The following STARD13 variants were observed in gnomAD, a reference collection of about 807,000 sequenced individuals.
The protein encoded by STARD13 is StAR related lipid transfer domain containing 13.
A neutral mutation model predicts 106.4 loss-of-function variants in STARD13; 62 were observed. That is an observed-to-expected ratio of 0.58 (90% confidence interval 0.48 to 0.72). The LOEUF is 0.72. STARD13 is among the 30% of genes least tolerant of loss of function. The pLI, the probability that STARD13 is intolerant of heterozygous loss-of-function variation, is 0.00. For synonymous variants in STARD13, 565 were observed against 553.0 expected (o/e 1.02, Z -0.31); for missense variants, 1,387 against 1,424.0 (o/e 0.97, Z 0.42).
chr13:33,331,011 A>G (rs2077829747), intron 1 of STARD13, among the ~76,000 whole-genome samples: 1 of 152,218 alleles, frequency 6.6e-6, no homozygotes, highest in Non-Finnish European at 1.5e-5. Flanking sequence ...TGCTCATGAG[A>G]GAGAAAAGAA....
chr13:33,177,806 AAGGAAGG>A lies in STARD13; in HGVS notation c.170-10191_170-10185del, dbSNP rs1566052087. The stretch of plus-strand genomic sequence containing the variant: ...AAGGAAGGAAGGAAGGAAGGAAAGG[AAGGAAGG>A]AAGGAAGGAAGGAAGGAAGGAAGGA... On this transcript the variant is annotated intron_variant, in intron 1 of 13. Coordinates refer to ENST00000336934, the MANE Select transcript of STARD13 (RefSeq NM_178006.4). Among the ~76,000 whole-genome samples, 2 of 13,936 alleles carry A rather than the reference AAGGAAGG, an allele frequency of 1.4e-4. 1 individual carries two copies. The highest frequency in any genetic ancestry group is 2.8e-4 in the Non-Finnish European group (2 of 7,256). 9.1% of individuals were successfully genotyped at this position (13,936 alleles called of 152,430 possible).
At chr13:33,509,971 C>A in the STARD13 span, among the ~76,000 whole-genome samples, 2 of 152,202 alleles carry the variant, frequency 1.3e-5, no homozygotes, top group Non-Finnish European at 2.9e-5. Flanking sequence ...GATTCCTGAA[C>A]AAAGAACTCC....
rs141677768 is a variant in STARD13 at position 33,152,334 on chromosome 13, AT to A, written c.324-9962del. ...GGCTCCTCCTTCACATGTTTTTTTC[AT>A]TTTTTTTCTTCTTCTCTTCTCAAAA... On this transcript the variant is annotated intron_variant, in intron 3 of 13. Coordinates refer to ENST00000336934, the MANE Select transcript of STARD13 (RefSeq NM_178006.4). 7.5e-3 allele frequency among the ~76,000 whole-genome samples: 1,100 copies of A among 145,852 alleles called. 16 individuals carry two copies. Among genetic ancestry groups the A allele is most frequent in the African/African-American group, 0.027 (1,038 of 39,122 alleles).
chr13:33,663,789 C>T, the STARD13 span, among the ~76,000 whole-genome samples: 1 of 152,130 alleles, frequency 6.6e-6, no homozygotes, highest in African/African-American at 2.4e-5. Context: ...TCTCTCAGAT[C>T]GGGTTAGGAC....
the STARD13 span, among the ~76,000 whole-genome samples, chr13:33,551,381 C>T: frequency 6.6e-6 from 1 of 152,036 alleles, no homozygotes; most frequent in Admixed American, 6.6e-5. Context: ...TTCGTGTCAG[C>T]ACTCAAAAAG....
chr13:33,395,200 A>G, the STARD13 span, among the ~76,000 whole-genome samples: 5 of 152,320 alleles, frequency 3.3e-5, no homozygotes, highest in East Asian at 9.6e-4. Flanking sequence ...ATAATACCTT[A>G]TAGTTCAAAG....
At chr13:33,345,249 T>C (rs558331797), downstream of STARD13, among the ~76,000 whole-genome samples, 1 of 152,162 alleles carries the variant, frequency 6.6e-6, no homozygotes, top group African/African-American at 2.4e-5. Flanking sequence ...CACTAAAGAG[T>C]GCAATGGGAT....
chr13:33,414,047 A>AAAAAAAAG, the STARD13 span, among the ~76,000 whole-genome samples: 7,822 of 142,608 alleles, frequency 0.055, 717 homozygotes, highest in African/African-American at 0.18. Context: ...AAAAAAAAAA[A>AAAAAAAAG]AAAGAAAAGA....
At chr13:33,286,171 C>A (rs889358405), upstream of STARD13, among the ~76,000 whole-genome samples, 6 of 150,950 alleles carry the variant, frequency 4.0e-5, no homozygotes, top group South Asian at 2.1e-4. Flanking sequence ...CACAACACAA[C>A]AAAAAAAAAC....
chr13:33,591,011 C>T, the STARD13 span, among the ~76,000 whole-genome samples: 3 of 152,202 alleles, frequency 2.0e-5, no homozygotes, highest in South Asian at 2.1e-4. Flanking sequence ...TAAAATTTAA[C>T]ATATGCAACT....
chr13:33,353,304 G>A (rs2078097074), upstream of STARD13, among the ~76,000 whole-genome samples: 1 of 152,202 alleles, frequency 6.6e-6, no homozygotes, highest in African/African-American at 2.4e-5. Flanking sequence ...ACGTGATCTT[G>A]CCAAGGTCAC....
At chr13:33,317,366 C>G (rs1014061288) in intron 1 of STARD13, among the ~76,000 whole-genome samples, 8 of 152,186 alleles carry the variant, frequency 5.3e-5, no homozygotes, top group Admixed American at 2.0e-4. Context: ...AACAATGAAG[C>G]ATCCTACAAT....
chr13:33,372,403 A>T, the STARD13 span, among the ~76,000 whole-genome samples: 2 of 152,042 alleles, frequency 1.3e-5, no homozygotes, highest in Non-Finnish European at 2.9e-5. Context: ...AATGTTTTGT[A>T]CCAAAAAATA....
chr13:33,631,633 T>C, the STARD13 span, among the ~76,000 whole-genome samples: 1 of 152,212 alleles, frequency 6.6e-6, no homozygotes, highest in African/African-American at 2.4e-5. Context: ...TGTGTTTGTT[T>C]ATTTTAATCA....
At chr13:33,182,030 A>G (rs1038999458) in intron 1 of STARD13, among the ~76,000 whole-genome samples, 1 of 152,264 alleles carries the variant, frequency 6.6e-6, no homozygotes, top group Non-Finnish European at 1.5e-5. Flanking sequence ...AGAATATCCC[A>G]GGACTTTCAA....
the STARD13 span, among the ~76,000 whole-genome samples, chr13:33,401,639 C>T: frequency 2.6e-5 from 4 of 152,212 alleles, no homozygotes; most frequent in African/African-American, 9.6e-5. Flanking sequence ...ATCAGATTTG[C>T]ATCAAGGCTG....
chr13:33,538,434 C>T, the STARD13 span, among the ~76,000 whole-genome samples: 71 of 152,252 alleles, frequency 4.7e-4, 2 homozygotes, highest in Admixed American at 2.5e-3. Flanking sequence ...CGGCTTTTAG[C>T]TGGGACACAG....
At chr13:33,586,831 C>T in the STARD13 span, among the ~76,000 whole-genome samples, 24 of 152,296 alleles carry the variant, frequency 1.6e-4, no homozygotes, top group African/African-American at 5.3e-4. Context: ...TGAACCTATT[C>T]TGACATTGGT....
chr13:33,616,068 C>A, the STARD13 span, among the ~76,000 whole-genome samples: 1 of 150,452 alleles, frequency 6.6e-6, no homozygotes, highest in Non-Finnish European at 1.5e-5. Flanking sequence ...CCAGGCAAAG[C>A]ATATTAAAGA....
Sources: allele counts gnomAD v4.1 joint callset (sites outside exome capture counted in the v4.1 genomes callset), GRCh38; gene constraint gnomAD v4.1.1; transcripts MANE v1.5; gene names NCBI Gene and HGNC (gene_info 2026-07-23, HGNC 2026-07-21).